The following SMG6 variants were observed in gnomAD, a reference collection of about 807,000 sequenced individuals.
SMG6 encodes telomerase-binding protein EST1A.
SMG6 carries 66 observed loss-of-function variants against 142.2 expected under a neutral mutation model. That is an observed-to-expected ratio of 0.46 (90% confidence interval 0.38 to 0.57). SMG6 has a LOEUF of 0.57. SMG6 is among the 20% of genes least tolerant of loss of function. The pLI, the probability that SMG6 is intolerant of heterozygous loss-of-function variation, is 0.00. For synonymous variants in SMG6, 779 were observed against 702.4 expected (o/e 1.11, Z -1.72); for missense variants, 1,793 against 1,832.0 (o/e 0.98, Z 0.39).
In SMG6 at chr17:2,303,189, A is replaced by G. The variant is rs529015482; in HGVS notation, c.88+444T>C. The G allele has an allele frequency of 5.1e-6, 5 of 985,458 alleles. No individual in the cohort carries two copies. The Admixed American group carries it at 3.1e-4, about 60-fold the overall frequency. The allele number at this position is 985,458 out of a possible 1,614,324, so 61.0% of individuals were successfully genotyped here. A position where few individuals can be genotyped will look rare whatever the true frequency, so the allele number is the denominator to read the frequency against. ...GGGAAAAGTTCAGCAACGAAGTCGC[A>G]GGCTCTTAAACCTTTCTCCCCAATT... On this transcript the variant is annotated intron_variant, in intron 1 of 18. Coordinates refer to ENST00000263073, the MANE Select transcript of SMG6 (RefSeq NM_017575.5).
chr17:2,139,425 C>CTTTTTTTTTT (rs375417133), intron 13 of SMG6, among the ~76,000 whole-genome samples: 2 of 139,250 alleles, frequency 1.4e-5, no homozygotes, highest in African/African-American at 5.3e-5. Flanking sequence ...CTGCTTTTTT[C>CTTTTTTTTTT]TTTTTTTTTT....
chr17:2,240,877 G>A (rs963188551), intron 9 of SMG6, among the ~76,000 whole-genome samples: 4 of 152,258 alleles, frequency 2.6e-5, no homozygotes, highest in African/African-American at 4.8e-5. Flanking sequence ...CTCTTAATTC[G>A]TTTTCAACAC....
chr17:2,144,200 A>G (rs1333602239), intron 13 of SMG6, among the ~76,000 whole-genome samples: 1 of 151,870 alleles, frequency 6.6e-6, no homozygotes, highest in Non-Finnish European at 1.5e-5. Context: ...CTGGGATTAC[A>G]GGTGCCTGCC....
At chr17:2,272,560 A>C (rs921631110) in intron 8 of SMG6, among the ~76,000 whole-genome samples, 4 of 152,206 alleles carry the variant, frequency 2.6e-5, no homozygotes, top group African/African-American at 9.6e-5. Flanking sequence ...GAGCAGCACA[A>C]AATTTGAGTC....
intron 10 of SMG6, among the ~76,000 whole-genome samples, chr17:2,205,906 T>C (rs1057078936): frequency 6.6e-6 from 1 of 152,126 alleles, no homozygotes; most frequent in African/African-American, 2.4e-5. Flanking sequence ...CCTCCCGAGC[T>C]CAAGCAATTC....
chr17:2,250,950 C>T (rs904738954), intron 8 of SMG6, among the ~76,000 whole-genome samples: 1 of 151,984 alleles, frequency 6.6e-6, no homozygotes, highest in Non-Finnish European at 1.5e-5. Context: ...AAGAGGAAAC[C>T]AACAAGATAG....
chr17:2,159,879 A>G (rs1466104424), intron 13 of SMG6, among the ~76,000 whole-genome samples: 1 of 152,250 alleles, frequency 6.6e-6, no homozygotes, highest in African/African-American at 2.4e-5. Context: ...TGAATCTCAG[A>G]CGTTATGCTG....
rs764875133 is a variant in SMG6, at chr17:2,236,641, C to A, written c.2724-4G>T. On this transcript the variant is annotated splice_region_variant and splice_polypyrimidine_tract_variant and intron_variant, in intron 9 of 18. Transcript: ENST00000263073. ...CACTGCAGGGAATGTCTCCATCCTG[C>A]AGATTCAGAAAACCCATCAATGAGG... The A allele has an allele frequency of 6.2e-7, 1 of 1,608,674 alleles. No homozygotes were observed. Among genetic ancestry groups the A allele is most frequent in the African/African-American group, 1.3e-5 (1 of 74,714 alleles).
intron 10 of SMG6, among the ~76,000 whole-genome samples, chr17:2,204,814 T>G (rs1479121861): frequency 6.6e-6 from 1 of 152,002 alleles, no homozygotes; most frequent in Admixed American, 6.5e-5. Context: ...AATACAAAAA[T>G]GAGCCAGACG....
intron 1 of SMG6, among the ~76,000 whole-genome samples, chr17:2,301,457 A>G (rs2075274582): frequency 6.6e-6 from 1 of 152,216 alleles, no homozygotes. Context: ...TCCATAAGGG[A>G]ACTTTCCCTG....
At chr17:2,094,054 G>A (rs1030019916) in intron 13 of SMG6, among the ~76,000 whole-genome samples, 4 of 152,158 alleles carry the variant, frequency 2.6e-5, no homozygotes, top group Non-Finnish European at 4.4e-5. Flanking sequence ...AGGTATGCAT[G>A]CATTACTCCA....
intron 10 of SMG6, among the ~76,000 whole-genome samples, chr17:2,217,877 G>A (rs1319106711): frequency 1.3e-5 from 2 of 152,014 alleles, no homozygotes; most frequent in Admixed American, 6.6e-5. Context: ...GGGTGTGGTG[G>A]CGCACACCTG....
chr17:2,119,900 G>A (rs145417814), intron 13 of SMG6, among the ~76,000 whole-genome samples: 1,552 of 152,224 alleles, frequency 0.01, 30 homozygotes, highest in African/African-American at 0.034. Context: ...CTGACCTCGC[G>A]ATCCACCCGC....
At chr17:2,157,167 CG>C (rs1567644739) in intron 13 of SMG6, among the ~76,000 whole-genome samples, 1 of 152,174 alleles carries the variant, frequency 6.6e-6, no homozygotes, top group South Asian at 2.1e-4. Flanking sequence ...AGACTGCACA[CG>C]GGGCCACCCA....
At chr17:2,230,407 A>ATATTGCATCTCTC (rs2073456562) in intron 10 of SMG6, among the ~76,000 whole-genome samples, 1 of 150,792 alleles carries the variant, frequency 6.6e-6, no homozygotes, top group African/African-American at 2.4e-5. Flanking sequence ...GCAACATGGG[A>ATATTGCATCTCTC]TATTGCATCT....
At chr17:2,091,440 G>T (rs532900193) in intron 13 of SMG6, among the ~76,000 whole-genome samples, 1 of 152,170 alleles carries the variant, frequency 6.6e-6, no homozygotes, top group Non-Finnish European at 1.5e-5. Flanking sequence ...TTGAGAAAGA[G>T]GCTCATGGGT....
At position 2,065,264 on chromosome 17, in the gene SMG6, C is replaced by G. The variant is rs2067907941; in HGVS notation, c.4048-110G>C. 3.8e-6 allele frequency: 4 copies of G among 1,050,294 alleles called. No individual in the cohort carries two copies. In the Admixed American group the frequency reaches 7.6e-5, roughly 20 times the overall value. 65.1% of individuals were successfully genotyped at this position (1,050,294 alleles called of 1,614,324 possible). A position where few individuals can be genotyped will look rare whatever the true frequency, so the allele number is the denominator to read the frequency against. On this transcript the variant is annotated intron_variant, in intron 17 of 18. Transcript: ENST00000263073. Reference sequence around the variant, plus strand: ...CCCTGGGCAGGGCCACCTCCCCGATCCCTCCCATGCATGCGCTGGCCCTGC... The same window carrying G: ...CCCTGGGCAGGGCCACCTCCCCGATGCCTCCCATGCATGCGCTGGCCCTGC...
intron 4 of SMG6, among the ~76,000 whole-genome samples, 171 bp from the exon 5 acceptor site, chr17:2,293,148 A>G (rs918065801): frequency 2.6e-5 from 4 of 152,178 alleles, no homozygotes; most frequent in African/African-American, 9.7e-5. Context: ...ACAACAAACT[A>G]TAAAGTTTTC....
At chr17:2,109,996 T>C (rs531270157) in intron 13 of SMG6, among the ~76,000 whole-genome samples, 14 of 151,028 alleles carry the variant, frequency 9.3e-5, no homozygotes, top group African/African-American at 3.4e-4. Flanking sequence ...GGCATGAGAA[T>C]TGCTTGAACC....
Sources: gnomAD v4.1 joint callset for allele counts (sites outside exome capture counted in the v4.1 genomes callset) on GRCh38, gnomAD v4.1.1 for gene constraint, MANE v1.5 for transcripts, NCBI Gene and HGNC (gene_info 2026-07-23, HGNC 2026-07-21) for gene names.